The following KCNH7 variants were observed in gnomAD, a reference collection of about 807,000 sequenced individuals.
KCNH7 encodes the protein voltage-gated inwardly rectifying potassium channel KCNH7.
Under a neutral mutation model 120.8 loss-of-function variants are expected in KCNH7, and 49 were observed. That is an observed-to-expected ratio of 0.41 (90% CI 0.32 to 0.51). The LOEUF is 0.51. Among genes scored for constraint, KCNH7 ranks in the 20% least tolerant of loss-of-function variants. KCNH7 has a pLI of 0.38. For synonymous variants in KCNH7, 547 were observed against 516.1 expected (o/e 1.06, Z -0.81); for missense variants, 1,097 against 1,446.6 (o/e 0.76, Z 3.92).
In KCNH7 at chr2:162,527,025, G is replaced by A. The variant is rs1019486644; in HGVS notation, c.464-8867C>T. ...ACGTTCTTCTGCCATGGCTTCAGCCGGTCCCTCCGTTCGGGGTCCCTGACT... is the reference window on the plus strand; with the variant it reads ...ACGTTCTTCTGCCATGGCTTCAGCCAGTCCCTCCGTTCGGGGTCCCTGACT... On this transcript the variant is annotated intron_variant, in intron 3 of 15. Transcript: ENST00000332142. Among the ~76,000 whole-genome samples the A allele has an allele frequency of 5.3e-5, 8 of 151,938 alleles. No individual in the cohort carries two copies. The East Asian group carries it at 7.8e-4, about 15-fold the overall frequency.
intron 2 of KCNH7, among the ~76,000 whole-genome samples, chr2:162,631,609 T>C (rs938625285): frequency 1.3e-5 from 2 of 152,092 alleles, no homozygotes; most frequent in African/African-American, 2.4e-5. Flanking sequence ...CATAGAATAA[T>C]GTAAGTTTAT....
At chr2:162,660,061 C>T (rs934994798) in intron 2 of KCNH7, among the ~76,000 whole-genome samples, 1 of 151,986 alleles carries the variant, frequency 6.6e-6, no homozygotes, top group Non-Finnish European at 1.5e-5. Flanking sequence ...GTATTGCTCA[C>T]TTTAAAAAAC....
intron 2 of KCNH7, among the ~76,000 whole-genome samples, chr2:162,756,323 A>C (rs185055702): frequency 6.6e-6 from 1 of 152,292 alleles, no homozygotes; most frequent in African/African-American, 2.4e-5. Context: ...AACTCTACTA[A>C]TGGAATGGCT....
intron 2 of KCNH7, among the ~76,000 whole-genome samples, chr2:162,566,702 T>G (rs574522515): frequency 1.7e-4 from 26 of 152,168 alleles, no homozygotes; most frequent in African/African-American, 6.3e-4. Context: ...ACAGAGTAAT[T>G]GCCATTGTAG....
At chr2:162,475,929 C>A (rs1017272222) in intron 6 of KCNH7, among the ~76,000 whole-genome samples, 2 of 152,252 alleles carry the variant, frequency 1.3e-5, no homozygotes, top group East Asian at 3.9e-4. Context: ...ATCTGGTGGA[C>A]GTTTGTTAGT....
At position 162,384,789 on chromosome 2, in the gene KCNH7, T is replaced by A; in HGVS notation, c.2861A>T (p.Asp954Val). ...EQKPLFSGIV[D>V]SSPGIGKASG... Reference sequence around the variant, plus strand: ...TGCTTTCCCTATTCCTGGAGAAGAGTCTACTATTCCTGAGAAGAGCGGCTT... The same window carrying A: ...TGCTTTCCCTATTCCTGGAGAAGAGACTACTATTCCTGAGAAGAGCGGCTT... Residue 954 changes from aspartate to valine, a missense_variant, in exon 13 of 16, where the codon GAC becomes GTC. Physicochemically the swap from Asp to Val is radical, Grantham distance 152. Transcript: ENST00000332142. The A allele has an allele frequency of 6.2e-7, 1 of 1,612,794 alleles. No homozygotes were observed. Among genetic ancestry groups the A allele is most frequent in the South Asian group, 1.1e-5 (1 of 91,058 alleles).
intron 2 of KCNH7, among the ~76,000 whole-genome samples, chr2:162,757,004 A>C (rs931714264): frequency 1.3e-5 from 2 of 152,214 alleles, no homozygotes; most frequent in Admixed American, 1.3e-4. Context: ...TGGTAAAATT[A>C]AGTCCTGTGT....
At chr2:162,523,440 A>G (rs1190418604) in intron 3 of KCNH7, among the ~76,000 whole-genome samples, 1 of 151,902 alleles carries the variant, frequency 6.6e-6, no homozygotes, top group Non-Finnish European at 1.5e-5. Context: ...AACTACATTT[A>G]TAACCTATTT....
intron 3 of KCNH7, among the ~76,000 whole-genome samples, chr2:162,529,561 A>T (rs1410690003): frequency 1.3e-5 from 2 of 151,988 alleles, no homozygotes; most frequent in African/African-American, 4.8e-5. Flanking sequence ...TTTAAAATGA[A>T]ACAAAAATAA....
intron 6 of KCNH7, among the ~76,000 whole-genome samples, chr2:162,452,526 T>G (rs980659131): frequency 1.3e-5 from 2 of 152,072 alleles, no homozygotes; most frequent in African/African-American, 4.8e-5. Context: ...ACCCCAATTT[T>G]GCCCAACCTT....
chr2:162,526,822 T>C (rs1470084333), intron 3 of KCNH7, among the ~76,000 whole-genome samples: 1 of 151,986 alleles, frequency 6.6e-6, no homozygotes, highest in African/African-American at 2.4e-5. Context: ...GATGATGGGA[T>C]TAAGAGATTA....
chr2:162,570,151 A>T (rs1270517082), intron 2 of KCNH7, among the ~76,000 whole-genome samples: 2 of 148,954 alleles, frequency 1.3e-5, no homozygotes, highest in Admixed American at 6.8e-5. Flanking sequence ...CCCATTATTA[A>T]TGTGTGGGAG....
intron 11 of KCNH7, among the ~76,000 whole-genome samples, chr2:162,394,984 T>A (rs1310809878): frequency 5.9e-5 from 9 of 152,006 alleles, no homozygotes; most frequent in Admixed American, 3.9e-4. Flanking sequence ...ATGATCTTTA[T>A]GATAATCTAC....
chr2:162,777,775 A>C (rs1470845554), intron 2 of KCNH7, among the ~76,000 whole-genome samples: 1 of 152,164 alleles, frequency 6.6e-6, no homozygotes, highest in East Asian at 1.9e-4. Flanking sequence ...GTTAAAATAC[A>C]TGACTCTGAC....
intron 2 of KCNH7, among the ~76,000 whole-genome samples, chr2:162,744,483 C>T (rs536393413): frequency 1.3e-5 from 2 of 152,102 alleles, no homozygotes; most frequent in South Asian, 4.2e-4. Context: ...ATTCACAGTT[C>T]CACCTAGTTC....
chr2:162,416,809 TAG>T (rs913960648), intron 9 of KCNH7, among the ~76,000 whole-genome samples: 4 of 152,084 alleles, frequency 2.6e-5, no homozygotes, highest in Admixed American at 6.6e-5. Flanking sequence ...AAGGTGAACG[TAG>T]AGTTATGCTG....
chr2:162,470,776 T>C (rs1689496059), intron 6 of KCNH7, among the ~76,000 whole-genome samples: 1 of 152,188 alleles, frequency 6.6e-6, no homozygotes. Flanking sequence ...CAGGCCATGA[T>C]GACAATGGTG....
chr2:162,389,758 T>C (rs1686687880), intron 12 of KCNH7, among the ~76,000 whole-genome samples: 1 of 152,102 alleles, frequency 6.6e-6, no homozygotes, highest in South Asian at 2.1e-4. Flanking sequence ...TTTCTACTCA[T>C]GACTTGGCAC....
chr2:162,382,336 A>G (rs1686442306), intron 13 of KCNH7, among the ~76,000 whole-genome samples: 1 of 152,126 alleles, frequency 6.6e-6, no homozygotes. Flanking sequence ...TTTAAACAGC[A>G]GTATAAAAAA....
Sources: allele counts gnomAD v4.1 joint callset (sites outside exome capture counted in the v4.1 genomes callset), GRCh38; gene constraint gnomAD v4.1.1; transcripts MANE v1.5; gene names NCBI Gene and HGNC (gene_info 2026-07-23, HGNC 2026-07-21).